ZNF669: variants seen among roughly 807,000 people sequenced by gnomAD.
ZNF669 encodes the protein zinc finger protein 669.
Under a neutral mutation model 11.4 loss-of-function variants are expected in ZNF669, and 7 were observed. The observed-to-expected ratio is 0.62, with a 90% CI of 0.35 to 1.16. The LOEUF (loss-of-function observed/expected upper bound fraction) is 1.16. ZNF669 is among the 50% of genes most tolerant of loss of function. The probability of loss-of-function intolerance (pLI) is 0.02; values close to 1 mark genes in which losing one functional copy is unlikely to be tolerated. For synonymous variants in ZNF669, 153 were observed against 155.8 expected, an observed-to-expected ratio of 0.98 and a Z score of 0.13; for missense variants, 492 against 463.6, an observed-to-expected ratio of 1.06 and a Z score of -0.56.
At chr1:247,101,537 G>A (rs907628172) in intron 3 of ZNF669, among the ~76,000 whole-genome samples, 194 bp downstream of exon 3, 1 of 151,958 alleles carries the variant, frequency 6.6e-6, no homozygotes. Flanking sequence ...ACACAGTTTT[G>A]TAGTACTATT....
At chr1:247,103,898 C>CG in intron 1 of ZNF669, 1 of 1,544,050 alleles carries the variant, frequency 6.5e-7, no homozygotes, top group South Asian at 1.2e-5. Flanking sequence ...GACACCGAGT[C>CG]GGGGCTCTCC....
chr1:247,099,983 T>A lies in ZNF669; in HGVS notation c.*391A>T, dbSNP rs1472124554. On this transcript the variant is annotated 3_prime_UTR_variant, in exon 4 of 4. Coordinates refer to ENST00000448299, the MANE Select transcript of ZNF669 (RefSeq NM_001142572.2). ...CATGCCCAGCTAATTATTTTTTTAT[T>A]TTATTTTATCTTATTTTTTGAGACA... The A allele has an allele frequency of 6.2e-6, 1 of 160,888 alleles. No individual in the cohort carries two copies. The highest frequency in any genetic ancestry group is 1.4e-5 in the Non-Finnish European group (1 of 73,078). 10.0% of individuals were successfully genotyped at this position (160,888 alleles called of 1,614,324 possible). A position where few individuals can be genotyped will look rare whatever the true frequency, so the allele number is the denominator to read the frequency against.
At chr1:247,104,033 C>G in intron 1 of ZNF669, 164 bp downstream of exon 1, 1 of 1,585,618 alleles carries the variant, frequency 6.3e-7, no homozygotes, top group East Asian at 2.3e-5. Context: ...CGCTGCCCGC[C>G]CCGCCCGGCC....
rs140375048 is a variant in ZNF669, at chr1:247,100,206, G to C, written c.*168C>G. On this transcript the variant is annotated 3_prime_UTR_variant, in exon 4 of 4. Coordinates refer to ENST00000448299, the MANE Select transcript of ZNF669 (RefSeq NM_001142572.2). ...TCACCGTGTTGGCCAGGATGGTCTC[G>C]ATCTCCTGACCTCGTGATCCACCCG... The C allele has an allele frequency of 3.9e-5, 22 of 566,528 alleles. No homozygotes were observed. In the South Asian group the frequency reaches 4.4e-4, roughly 11 times the overall value. The allele number at this position is 566,528 out of a possible 1,614,324, so 35.1% of individuals were successfully genotyped here.
rs201334108 is a variant in ZNF669, at chr1:247,103,996, G to A, written c.3+201C>T. ...GCTCCGGCCGGCGGAAGTGGCGCCC[G>A]CAGGTACAGACAGGATGCAGGGGTT... On this transcript the variant is annotated intron_variant, in intron 1 of 3. Coordinates refer to ENST00000448299, the MANE Select transcript of ZNF669 (RefSeq NM_001142572.2). 105 of 1,602,578 alleles carry A rather than the reference G, an allele frequency of 6.6e-5. No homozygotes were observed. In the African/African-American group the frequency reaches 1.3e-3, roughly 20 times the overall value.
chr1:247,101,107 T>C lies in ZNF669; in HGVS notation c.404A>G (p.Gln135Arg). 1 of 1,614,128 alleles carries C rather than the reference T, an allele frequency of 6.2e-7. No individual in the cohort carries two copies. The highest frequency in any genetic ancestry group is 8.5e-7 in the Non-Finnish European group (1 of 1,180,026). Residue 135 changes from glutamine to arginine, a missense_variant, in exon 4 of 4, where the codon CAA becomes CGA. Transcript: ENST00000448299. ...HSGYKPYGEK[Q>R]YKCEQCGKFF... ...TTTCCCACACTGTTCACATTTATAT[T>C]GCTTCTCTCCATATGGTTTGTATCC...
At chr1:247,102,234 G>T in intron 1 of ZNF669, 121 bp from the exon 2 acceptor site, 2 of 1,201,818 alleles carry the variant, frequency 1.7e-6, no homozygotes. Context: ...TCTATGACTT[G>T]ATTGTCACAA....
chr1:247,102,152 G>A (rs771957782), intron 1 of ZNF669, 39 bp from the exon 2 acceptor site: 2 of 1,542,146 alleles, frequency 1.3e-6, no homozygotes, highest in Non-Finnish European at 1.7e-6. Flanking sequence ...GGATGGGTGA[G>A]ACTGACAGCA....
chr1:247,103,569 G>A (rs895763534), intron 1 of ZNF669, among the ~76,000 whole-genome samples: 3 of 142,414 alleles, frequency 2.1e-5, no homozygotes, highest in African/African-American at 7.9e-5. Context: ...GGGAGTCAGA[G>A]GTTGCAATGA....
intron 2 of ZNF669, 51 bp downstream of exon 2, chr1:247,101,920 AATCATAAATAGCACTG>A: frequency 6.2e-7 from 1 of 1,610,470 alleles, no homozygotes; most frequent in South Asian, 1.1e-5. Flanking sequence ...CCACATTCCA[AATCATAAATAGCACTG>A]ATGATAGGGA....
intron 1 of ZNF669, among the ~76,000 whole-genome samples, chr1:247,103,076 A>G (rs1240315882): frequency 1.3e-5 from 2 of 152,334 alleles, no homozygotes; most frequent in East Asian, 3.9e-4. Flanking sequence ...CATCTAAAAA[A>G]AGAGTTATGT....
rs1558359608 is a variant in ZNF669 at position 247,103,940 on chromosome 1, T to C, written c.3+257A>G. The C allele has an allele frequency of 2.5e-6, 4 of 1,598,344 alleles. No homozygotes were observed. The South Asian group carries it at 3.4e-5, about 14-fold the overall frequency. ...ACCCTCCCGTGGTCACCACACTACC[T>C]GGATAGGGGAGGCGAGGGGTTCCCG... On this transcript the variant is annotated intron_variant, in intron 1 of 3. Coordinates refer to ENST00000448299, the MANE Select transcript of ZNF669 (RefSeq NM_001142572.2).
In ZNF669 at chr1:247,104,337, G is replaced by A; in HGVS notation, c.-138C>T. On this transcript the variant is annotated 5_prime_UTR_variant, in exon 1 of 4. Coordinates refer to ENST00000448299, the MANE Select transcript of ZNF669 (RefSeq NM_001142572.2). ...GCAGCGGAGACTAACAGGAAGAGCC[G>A]GCTCCGGCGAAGGAGAGACAAAGCA... is the stretch of plus-strand genomic sequence containing the variant. The A allele has an allele frequency of 8.1e-7, 1 of 1,235,834 alleles. No homozygotes were observed. 76.6% of individuals were successfully genotyped at this position (1,235,834 alleles called of 1,614,324 possible).
intron 1 of ZNF669, chr1:247,103,993 C>G: frequency 1.2e-6 from 2 of 1,602,972 alleles, no homozygotes; most frequent in East Asian, 2.3e-5. Flanking sequence ...GGAAGTGGCG[C>G]CCGCAGGTAC....
chr1:247,103,938 C>A, intron 1 of ZNF669: 1 of 1,598,256 alleles, frequency 6.3e-7, no homozygotes, highest in East Asian at 2.3e-5. Flanking sequence ...CACCACACTA[C>A]CTGGATAGGG....
intron 1 of ZNF669, 91 bp downstream of exon 1, chr1:247,104,106 G>C (rs773187916): frequency 3.1e-6 from 5 of 1,595,896 alleles, no homozygotes; most frequent in Non-Finnish European, 3.4e-6. Context: ...CGCAGGTTCC[G>C]GAGCCGATGG....
chr1:247,101,640 ACT>A (rs1384893350), intron 3 of ZNF669, 89 bp downstream of exon 3: 1 of 1,222,162 alleles, frequency 8.2e-7, no homozygotes, highest in Non-Finnish European at 1.2e-6. Flanking sequence ...ATTTCAAGTG[ACT>A]CTTATTTGTT....
Position 247,100,264 on chromosome 1 carries a change from G to A in ZNF669, c.*110C>T, listed in dbSNP as rs1002067517. On this transcript the variant is annotated 3_prime_UTR_variant, in exon 4 of 4. Coordinates refer to ENST00000448299, the MANE Select transcript of ZNF669 (RefSeq NM_001142572.2). ...CTCCCAAAGTGCTGGGATTACAGGC[G>A]TAAGCCACCGTGCCCGGCATTATTT... 8.3e-5 allele frequency: 60 copies of A among 724,112 alleles called. 1 individual carries two copies. The highest frequency in any genetic ancestry group is 3.9e-4 in the Middle Eastern group (1 of 2,540). 44.9% of individuals were successfully genotyped at this position (724,112 alleles called of 1,614,324 possible).
chr1:247,100,351 A>G lies in ZNF669; in HGVS notation c.*23T>C. Reference sequence around the variant, plus strand: ...AGGTTGTTTCACATTGTTTTAATCCAGGCTGGTTATGAACTCCTGGGCTCA... The same window carrying G: ...AGGTTGTTTCACATTGTTTTAATCCGGGCTGGTTATGAACTCCTGGGCTCA... On this transcript the variant is annotated 3_prime_UTR_variant, in exon 4 of 4. Transcript: ENST00000448299. 2 of 1,379,022 alleles carry G rather than the reference A, an allele frequency of 1.5e-6. No individual in the cohort carries two copies. The highest frequency in any genetic ancestry group is 2.0e-6 in the Non-Finnish European group (2 of 992,008). 85.4% of individuals were successfully genotyped at this position (1,379,022 alleles called of 1,614,324 possible).
Sources: gnomAD v4.1 joint callset for allele counts (sites outside exome capture counted in the v4.1 genomes callset) on GRCh38, gnomAD v4.1.1 for gene constraint, MANE v1.5 for transcripts, NCBI Gene and HGNC (gene_info 2026-07-23, HGNC 2026-07-21) for gene names.